The following BMPR1B variants were observed in gnomAD, a reference collection of about 807,000 sequenced individuals.
BMPR1B encodes the protein bone morphogenetic protein receptor type 1B.
Under a neutral mutation model 59.1 loss-of-function variants are expected in BMPR1B, and 12 were observed. The observed-to-expected ratio is 0.20, with a 90% CI of 0.13 to 0.33. The LOEUF is 0.33. BMPR1B is among the 10% of genes least tolerant of loss of function. BMPR1B has a pLI of 1.00. For synonymous variants in BMPR1B, 237 were observed against 207.3 expected (o/e 1.14, Z -1.23); for missense variants, 550 against 610.9 (o/e 0.90, Z 1.05).
chr4:95,017,080 C>T (rs546769803), intron 3 of BMPR1B, among the ~76,000 whole-genome samples: 20 of 152,262 alleles, frequency 1.3e-4, no homozygotes, highest in South Asian at 4.1e-4. Flanking sequence ...TTCCTCCCCA[C>T]GAAGACTCAG....
chr4:95,116,421 GCACACACACACA>G (rs35436544), intron 6 of BMPR1B, among the ~76,000 whole-genome samples: 21 of 123,246 alleles, frequency 1.7e-4, no homozygotes, highest in South Asian at 2.7e-4. Flanking sequence ...TTCAGCGCGC[GCACACACACACA>G]CACACACACA....
intron 1 of BMPR1B, among the ~76,000 whole-genome samples, chr4:94,846,093 G>A (rs899509225): frequency 6.6e-6 from 1 of 152,142 alleles, no homozygotes; most frequent in African/African-American, 2.4e-5. Flanking sequence ...AAAACAGCAT[G>A]GCACTGGCAT....
intron 2 of BMPR1B, among the ~76,000 whole-genome samples, chr4:94,959,892 A>G (rs1253450219): frequency 2.6e-5 from 4 of 152,274 alleles, no homozygotes; most frequent in Non-Finnish European, 5.9e-5. Context: ...TTAAAAGGTC[A>G]ATGTGAGAGG....
Position 95,144,678 on chromosome 4 carries a change from G to A in BMPR1B, c.1077-4070G>A, listed in dbSNP as rs940853414. Among the ~76,000 whole-genome samples, 3 of 152,110 alleles carry A rather than the reference G, an allele frequency of 2.0e-5. No individual in the cohort carries two copies. In the East Asian group the frequency reaches 5.8e-4, roughly 29 times the overall value. ...CCATGTTGGATCTAGTGGCAGCATTGATTATTGAAGTATAAAAGGGCAAAA... is the reference window on the plus strand; with the variant it reads ...CCATGTTGGATCTAGTGGCAGCATTAATTATTGAAGTATAAAAGGGCAAAA... On this transcript the variant is annotated intron_variant, in intron 10 of 12. Transcript: ENST00000515059.
At position 95,131,615 on chromosome 4, in the gene BMPR1B, T is replaced by C. The variant is rs570242955; in HGVS notation, c.1076+103T>C. On this transcript the variant is annotated intron_variant, in intron 10 of 12. Transcript: ENST00000515059. The stretch of plus-strand genomic sequence containing the variant: ...GATATTTAGTAGAAGAGGAATATCA[T>C]TAATTTTGACATTTGACGGGGAGAA... 8.8e-6 allele frequency: 12 copies of C among 1,367,360 alleles called. No homozygotes were observed. In the East Asian group the frequency reaches 2.6e-4, roughly 30 times the overall value. The allele number at this position is 1,367,360 out of a possible 1,614,324, so 84.7% of individuals were successfully genotyped here.
Position 95,130,022 on chromosome 4 carries a change from A to G in BMPR1B, c.746A>G (p.Gln249Arg), listed in dbSNP as rs187868598. 2.5e-6 allele frequency: 4 copies of G among 1,613,944 alleles called. No individual in the cohort carries two copies. The highest frequency in any genetic ancestry group is 8.5e-7 in the Non-Finnish European group (1 of 1,179,858). ...ASWFRETEIYQTVLMRHENIL... is the reference protein window; with the variant it reads ...ASWFRETEIYRTVLMRHENIL... ...TGGTTCAGAGAGACAGAAATATATC[A>G]GACAGTGTTGATGAGGCATGAAAAC... is the stretch of plus-strand genomic sequence containing the variant. Residue 249 changes from glutamine to arginine, a missense_variant, in exon 9 of 13, where the codon CAG (glutamine) becomes CGG (arginine). Gln to Arg is a conservative substitution (Grantham distance 43). Around this residue, in one of 6 missense-constraint regions of BMPR1B, gnomAD observed 318 missense variants for 284.6 expected, o/e 1.12. Transcript: ENST00000515059.
intron 3 of BMPR1B, among the ~76,000 whole-genome samples, chr4:95,065,316 T>C (rs1727716753): frequency 6.6e-6 from 1 of 152,174 alleles, no homozygotes; most frequent in South Asian, 2.1e-4. Flanking sequence ...AGTGACTGCC[T>C]GTATATGGTT....
chr4:94,799,620 T>C (rs1354601414), intron 1 of BMPR1B, among the ~76,000 whole-genome samples: 1 of 151,582 alleles, frequency 6.6e-6, no homozygotes, highest in Non-Finnish European at 1.5e-5. Context: ...TTTTAATTCA[T>C]GATTTTTTTT....
intron 1 of BMPR1B, among the ~76,000 whole-genome samples, chr4:94,851,754 C>T (rs1725575219): frequency 6.6e-6 from 1 of 152,014 alleles, no homozygotes; most frequent in African/African-American, 2.4e-5. Flanking sequence ...CAGTTGAGAT[C>T]ATTATAAAGC....
intron 2 of BMPR1B, among the ~76,000 whole-genome samples, chr4:94,960,261 A>G (rs1730302572): frequency 6.6e-6 from 1 of 152,158 alleles, no homozygotes; most frequent in African/African-American, 2.4e-5. Context: ...GTACAGCTGT[A>G]GTATTAAGAC....
At chr4:95,046,821 T>TA (rs1436069105) in intron 3 of BMPR1B, among the ~76,000 whole-genome samples, 1 of 152,358 alleles carries the variant, frequency 6.6e-6, no homozygotes, top group East Asian at 1.9e-4. Flanking sequence ...GCTATCTCAG[T>TA]AGAAGAAGAA....
intron 1 of BMPR1B, among the ~76,000 whole-genome samples, chr4:94,811,337 A>G (rs1723803423): frequency 6.6e-6 from 1 of 152,280 alleles, no homozygotes; most frequent in South Asian, 2.1e-4. Flanking sequence ...AAGAAAGAGC[A>G]GGGAATTTGC....
intron 4 of BMPR1B, among the ~76,000 whole-genome samples, chr4:95,106,441 A>G (rs1731205047): frequency 6.6e-6 from 1 of 152,056 alleles, no homozygotes. Context: ...ATCTTGAGCT[A>G]GGGTGGTGCT....
At chr4:94,925,301 C>T (rs1401091402) in intron 2 of BMPR1B, among the ~76,000 whole-genome samples, 1 of 151,706 alleles carries the variant, frequency 6.6e-6, no homozygotes, top group Non-Finnish European at 1.5e-5. Context: ...TTTAACTATG[C>T]AAATTTTGAA....
Position 95,154,963 on chromosome 4 carries a change from T to A in BMPR1B, c.*290T>A. On this transcript the variant is annotated 3_prime_UTR_variant, in exon 13 of 13. Coordinates refer to ENST00000515059, the MANE Select transcript of BMPR1B (RefSeq NM_001203.3). ...GAAAGCCCTGTATTTTGTGATTGCC[T>A]TTTTTTTTTTTTAAGATGCTTTCAT... 1 of 141,938 alleles carries A rather than the reference T, an allele frequency of 7.0e-6. No individual in the cohort carries two copies. Among genetic ancestry groups the A allele is most frequent in the South Asian group, 1.6e-4 (1 of 6,394 alleles). 8.8% of individuals were successfully genotyped at this position (141,938 alleles called of 1,614,324 possible).
chr4:94,857,980 C>G (rs1292389406), intron 1 of BMPR1B, among the ~76,000 whole-genome samples: 2 of 152,186 alleles, frequency 1.3e-5, no homozygotes, highest in Non-Finnish European at 2.9e-5. Flanking sequence ...GAGTCTCGCT[C>G]TGTCGCCCAG....
Position 94,848,908 on chromosome 4 carries a change from A to G in BMPR1B, c.-182-26923A>G, listed in dbSNP as rs78247493. Among the ~76,000 whole-genome samples the G allele has an allele frequency of 3.4e-3, 516 of 152,344 alleles. 10 individuals carry two copies. The East Asian group carries it at 0.045, about 13-fold the overall frequency. On this transcript the variant is annotated intron_variant, in intron 1 of 12. Transcript: ENST00000515059. ...AATTCCAAGGATTTTTCCAGATGAC[A>G]TGATGGAGTTCCCATTCATAAGGCT...
intron 2 of BMPR1B, among the ~76,000 whole-genome samples, chr4:94,901,824 A>AT (rs971408195): frequency 6.6e-6 from 1 of 151,966 alleles, no homozygotes; most frequent in African/African-American, 2.4e-5. Flanking sequence ...ATAGCTATGC[A>AT]TCTGCCCTGG....
intron 3 of BMPR1B, among the ~76,000 whole-genome samples, chr4:95,009,760 G>A (rs1438843843): frequency 6.6e-6 from 1 of 152,128 alleles, no homozygotes; most frequent in African/African-American, 2.4e-5. Context: ...TGAATTTAGA[G>A]ATCTGGAGTT....
Sources: allele counts gnomAD v4.1 joint callset (sites outside exome capture counted in the v4.1 genomes callset), GRCh38; gene constraint gnomAD v4.1.1; regional missense constraint gnomAD v4.1.1; transcripts MANE v1.5; gene names NCBI Gene and HGNC (gene_info 2026-07-23, HGNC 2026-07-21).